The following ZNF420 variants were observed in gnomAD, a reference collection of about 807,000 sequenced individuals.
The protein encoded by ZNF420 is zinc finger protein 420.
In ZNF420, 31 loss-of-function variants were observed where a neutral mutation model predicts 44.7. The ratio of observed to expected loss-of-function variants is 0.69; its 90% CI spans 0.52 to 0.94. The LOEUF (loss-of-function observed/expected upper bound fraction) is 0.94, where lower values mean the gene tolerates loss of function less well. Ranked by LOEUF, ZNF420 falls within the 40% of genes least tolerant of loss-of-function variation. ZNF420 has a pLI of 0.00. For missense variants in ZNF420, 681 were observed against 827.9 expected (o/e 0.82, Z 2.18); for synonymous variants, 245 against 267.4 (o/e 0.92, Z 0.82).
intron 1 of ZNF420, among the ~76,000 whole-genome samples, chr19:37,014,251 C>T (rs574349449): frequency 4.6e-5 from 7 of 152,126 alleles, no homozygotes; most frequent in Middle Eastern, 3.2e-3. Context: ...GAGACCAGGA[C>T]GGTGCCCTGG....
chr19:37,014,854 C>A (rs528552316), intron 1 of ZNF420, among the ~76,000 whole-genome samples: 1 of 152,302 alleles, frequency 6.6e-6, no homozygotes, highest in Admixed American at 6.5e-5. Flanking sequence ...ATCCCACAAT[C>A]CTTGGAGACT....
At chr19:37,065,054 G>A (rs377653056) in intron 1 of ZNF420, among the ~76,000 whole-genome samples, 20 of 152,220 alleles carry the variant, frequency 1.3e-4, no homozygotes, top group African/African-American at 4.1e-4. Flanking sequence ...ATTGCATTAA[G>A]TACATGATTT....
In ZNF420 at chr19:37,128,860, C is replaced by T. The variant is rs1197296151; in HGVS notation, c.1869C>T (p.Ala623=). The T allele has an allele frequency of 1.2e-6, 2 of 1,613,704 alleles. No individual in the cohort carries two copies. The highest frequency in any genetic ancestry group is 1.7e-5 in the Admixed American group (1 of 59,950). ...KPYECRECRK[A]FTQSSHLSRH... ...ATGAATGCAGAGAATGTAGAAAGGC[C>T]TTTACTCAGAGTTCACATCTTTCTC... Residue 623 remains alanine, a synonymous_variant, in exon 5 of 5, where the codon GCC becomes GCT. Transcript: ENST00000337995.
intron 1 of ZNF420, among the ~76,000 whole-genome samples, chr19:37,062,452 T>C (rs930610168): frequency 1.5e-4 from 23 of 152,196 alleles, no homozygotes; most frequent in African/African-American, 5.5e-4. Flanking sequence ...CTCTGAGAAA[T>C]TAATAGGCTT....
chr19:37,095,635 G>A (rs1969399510), intron 4 of ZNF420, among the ~76,000 whole-genome samples: 1 of 151,386 alleles, frequency 6.6e-6, no homozygotes, highest in African/African-American at 2.4e-5. Flanking sequence ...TCTCATTCTT[G>A]TTGCCCAGGC....
At chr19:37,032,154 C>T (rs1247713853) in intron 1 of ZNF420, among the ~76,000 whole-genome samples, 2 of 151,816 alleles carry the variant, frequency 1.3e-5, no homozygotes, top group African/African-American at 2.4e-5. Flanking sequence ...ACCATCCTGG[C>T]AAACATGGTG....
chr19:37,020,216 C>CAA (rs376616699), intron 1 of ZNF420, among the ~76,000 whole-genome samples: 93 of 99,310 alleles, frequency 9.4e-4, no homozygotes, highest in Middle Eastern at 4.8e-3. Flanking sequence ...GACTCCGTCT[C>CAA]AAAAAAAAAA....
chr19:37,019,041 AG>A (rs2074627785), intron 1 of ZNF420, among the ~76,000 whole-genome samples: 1 of 152,164 alleles, frequency 6.6e-6, no homozygotes, highest in Non-Finnish European at 1.5e-5. Flanking sequence ...AAAGTAAAAA[AG>A]AAGTGTGAAT....
rs576893962 is a variant in ZNF420, at chr19:37,071,732, C to T, written c.-124-8613C>T. Among the ~76,000 whole-genome samples, 224 of 152,120 alleles carry T rather than the reference C, an allele frequency of 1.5e-3. 1 individual carries two copies. Among genetic ancestry groups the T allele is most frequent in the Non-Finnish European group, 2.5e-3 (173 of 67,972 alleles). ...AGGAGAATCGCTTGAACCCAAGAGG[C>T]GGAGGTTGCAGTGAGCTGAGATCCT... On this transcript the variant is annotated intron_variant, in intron 1 of 4. Transcript: ENST00000587029.
chr19:37,063,588 T>C (rs1448801233), intron 1 of ZNF420, among the ~76,000 whole-genome samples: 1 of 125,838 alleles, frequency 7.9e-6, no homozygotes, highest in Non-Finnish European at 1.6e-5. Context: ...GCCTAAAAGG[T>C]AATTTAACTC....
rs138554444 is a variant in ZNF420 at position 37,064,947 on chromosome 19, G to T, written c.-124-15398G>T. 1.1e-3 allele frequency among the ~76,000 whole-genome samples: 169 copies of T among 152,326 alleles called. 2 individuals carry two copies. The Middle Eastern group carries it at 0.024, about 21-fold the overall frequency. On this transcript the variant is annotated intron_variant, in intron 1 of 4. Coordinates refer to the ZNF420 transcript ENST00000587029. ...CCGGACCCAGGGGGCCATCACAATC[G>T]TAGAGGCTGCGAAGGCCCGAGCTCT...
chr19:37,129,895 C>A lies in ZNF420; in HGVS notation c.*837C>A. 2.5e-6 allele frequency: 3 copies of A among 1,188,248 alleles called. No individual in the cohort carries two copies. Among genetic ancestry groups the A allele is most frequent in the South Asian group, 1.9e-5 (1 of 51,608 alleles). 73.6% of individuals were successfully genotyped at this position (1,188,248 alleles called of 1,614,324 possible). On this transcript the variant is annotated 3_prime_UTR_variant, in exon 5 of 5. Transcript: ENST00000337995. ...ATTTTTTAAAAACTTGAATGTATTG[C>A]TTTTGAAGTAAACAAAATAACTGAT...
At position 37,053,596 on chromosome 19, in the gene ZNF420, C is replaced by T. The variant is rs561932688; in HGVS notation, c.-124-26749C>T. The stretch of plus-strand genomic sequence containing the variant: ...TTCTAACAGTCAGGACCCTCAGCTG[C>T]AGGTCTGTTGGACTTTGCTGGAGGT... On this transcript the variant is annotated intron_variant, in intron 1 of 4. Transcript: ENST00000587029. Among the ~76,000 whole-genome samples, 7 of 152,348 alleles carry T rather than the reference C, an allele frequency of 4.6e-5. No individual in the cohort carries two copies. The South Asian group carries it at 1.2e-3, about 27-fold the overall frequency.
chr19:37,087,127 A>C (rs2146518047), intron 2 of ZNF420, among the ~76,000 whole-genome samples: 1 of 152,040 alleles, frequency 6.6e-6, no homozygotes, highest in South Asian at 2.1e-4. Context: ...CCAACAAAAA[A>C]AGTAAAAATT....
intron 1 of ZNF420, among the ~76,000 whole-genome samples, chr19:37,011,131 G>C (rs1291286475): frequency 6.6e-6 from 1 of 152,138 alleles, no homozygotes; most frequent in Non-Finnish European, 1.5e-5. Flanking sequence ...GTTTCTGAGG[G>C]GCCTAGATGC....
rs112614261 is a variant in ZNF420 at position 37,036,466 on chromosome 19, C to G, written c.-125+28384C>G. ...GTTGTTCCTGGTGCTCTCCTGCCCC[C>G]CGTTCATTCAGCACTGAGCCAGCAG... On this transcript the variant is annotated intron_variant, in intron 1 of 4. Transcript: ENST00000587029. 3.4e-3 allele frequency among the ~76,000 whole-genome samples: 511 copies of G among 152,252 alleles called. 2 individuals carry two copies. Among genetic ancestry groups the G allele is most frequent in the African/African-American group, 0.012 (490 of 41,534 alleles).
upstream of ZNF420, among the ~76,000 whole-genome samples, chr19:37,075,985 C>G (rs948401466): frequency 1.5e-5 from 2 of 137,466 alleles, no homozygotes; most frequent in African/African-American, 5.7e-5. Context: ...TTCCTGCAGT[C>G]TACGTTTCTG....
At chr19:37,068,318 C>G in intron 1 of ZNF420, among the ~76,000 whole-genome samples, 1 of 152,036 alleles carries the variant, frequency 6.6e-6, no homozygotes, top group East Asian at 1.9e-4. Context: ...GTTACATATA[C>G]ATCACATCAC....
chr19:37,124,834 A>AT (rs1971257498), intron 4 of ZNF420, among the ~76,000 whole-genome samples: 1 of 150,418 alleles, frequency 6.6e-6, no homozygotes, highest in Admixed American at 6.6e-5. Context: ...CACCCAGCTG[A>AT]TTTTGTATTT....
Sources: allele counts gnomAD v4.1 joint callset (sites outside exome capture counted in the v4.1 genomes callset), GRCh38; gene constraint gnomAD v4.1.1; transcripts MANE v1.5; gene names NCBI Gene and HGNC (gene_info 2026-07-23, HGNC 2026-07-21).